Variants in UNC13C observed in about 807,000 individuals in gnomAD.
UNC13C encodes protein unc-13 homolog C.
UNC13C carries 174 observed loss-of-function variants against 245.4 expected under a neutral mutation model. That is an observed-to-expected ratio of 0.71 (90% CI 0.63 to 0.80). UNC13C has a LOEUF of 0.80. UNC13C is among the 30% of genes least tolerant of loss of function. The probability of loss-of-function intolerance (pLI) is 0.00; values close to 1 mark genes in which losing one functional copy is unlikely to be tolerated. For synonymous variants in UNC13C, 992 were observed against 895.1 expected (o/e 1.11, Z -1.93); for missense variants, 2,829 against 2,602.9 (o/e 1.09, Z -1.89).
chr15:54,260,197 T>C (rs920873575), intron 8 of UNC13C, among the ~76,000 whole-genome samples: 7 of 152,156 alleles, frequency 4.6e-5, no homozygotes, highest in Non-Finnish European at 1.0e-4. Flanking sequence ...TCAATGGTGA[T>C]TGTTAAATAT....
intron 8 of UNC13C, among the ~76,000 whole-genome samples, chr15:54,254,054 T>A (rs2036219137): frequency 6.6e-6 from 1 of 152,264 alleles, no homozygotes; most frequent in Admixed American, 6.5e-5. Context: ...ACGTGCTTTC[T>A]ACTGACATTA....
chr15:54,628,892 C>T (rs1901371071), downstream of UNC13C: 1 of 152,068 alleles, frequency 6.6e-6, no homozygotes, highest in African/African-American at 2.4e-5. Context: ...CAAAGACCTA[C>T]AAACAGAATT....
chr15:53,974,636 G>T (rs1893640694), upstream of UNC13C, among the ~76,000 whole-genome samples: 1 of 152,110 alleles, frequency 6.6e-6, no homozygotes, highest in Admixed American at 6.5e-5. Flanking sequence ...TCTTGTGACA[G>T]AATTTGTTGA....
intron 17 of UNC13C, among the ~76,000 whole-genome samples, chr15:54,382,646 C>T (rs555308698): frequency 5.3e-5 from 8 of 151,402 alleles, no homozygotes; most frequent in African/African-American, 1.9e-4. Flanking sequence ...TTGTACACTT[C>T]AAGCAACTAG....
the UNC13C span, among the ~76,000 whole-genome samples, chr15:53,956,908 A>ATGTGTGTGTGTGTGTGTGTG: frequency 8.1e-5 from 2 of 24,668 alleles, no homozygotes; most frequent in African/African-American, 1.4e-4. Context: ...GTGTGTGTGC[A>ATGTGTGTGTGTGTGTGTGTG]TGCACACATC....
At chr15:53,956,875 A>AGTGTGTATGTGTGT in the UNC13C span, among the ~76,000 whole-genome samples, 1 of 139,700 alleles carries the variant, frequency 7.2e-6, no homozygotes, top group Admixed American at 7.2e-5. Flanking sequence ...GTTAAGCTCA[A>AGTGTGTATGTGTGT]GTGTGTGTGT....
chr15:54,609,951 T>C (rs1168398147), intron 30 of UNC13C, among the ~76,000 whole-genome samples: 1 of 152,118 alleles, frequency 6.6e-6, no homozygotes, highest in African/African-American at 2.4e-5. Flanking sequence ...GATCTCATGA[T>C]AACTCACTCA....
chr15:54,217,444 C>A (rs2035076049), intron 4 of UNC13C, among the ~76,000 whole-genome samples: 1 of 151,874 alleles, frequency 6.6e-6, no homozygotes, highest in African/African-American at 2.4e-5. Context: ...CTTTGTCGAC[C>A]TGCCCTTCTA....
chr15:54,599,537 C>T (rs1899288250), intron 30 of UNC13C, among the ~76,000 whole-genome samples: 1 of 151,988 alleles, frequency 6.6e-6, no homozygotes, highest in Non-Finnish European at 1.5e-5. Context: ...ATCCAAGTTT[C>T]CGAAAGTAAG....
At chr15:53,925,380 G>A in the UNC13C span, among the ~76,000 whole-genome samples, 368 of 152,020 alleles carry the variant, frequency 2.4e-3, no homozygotes, top group Non-Finnish European at 4.4e-3. Flanking sequence ...AACCCCAAAG[G>A]GTCTGTGTTT....
At chr15:54,610,244 C>CT (rs367760262) in intron 30 of UNC13C, among the ~76,000 whole-genome samples, 55 of 151,096 alleles carry the variant, frequency 3.6e-4, no homozygotes, top group Middle Eastern at 3.2e-3. Flanking sequence ...TTGTCTTTAG[C>CT]TTTTTTTTTG....
chr15:54,274,666 A>AGTTTTTT (rs1567151983), intron 10 of UNC13C, among the ~76,000 whole-genome samples: 3 of 78,272 alleles, frequency 3.8e-5, no homozygotes, highest in Admixed American at 1.3e-4. Flanking sequence ...AATAAAGTAG[A>AGTTTTTT]CTTTTTTTTT....
intron 4 of UNC13C, among the ~76,000 whole-genome samples, chr15:54,178,067 C>A: frequency 6.6e-6 from 1 of 152,028 alleles, no homozygotes; most frequent in Middle Eastern, 3.4e-3. Context: ...TTCCCTTTAA[C>A]TTCTATCATA....
chr15:54,462,340 C>T (rs8030561), intron 19 of UNC13C, among the ~76,000 whole-genome samples: 62,443 of 152,088 alleles, frequency 0.41, 13,123 homozygotes, highest in East Asian at 0.62. Flanking sequence ...TTCGCCTAAG[C>T]GTCCACTGTG....
chr15:53,955,266 TACACACACAC>T, the UNC13C span, among the ~76,000 whole-genome samples: 239 of 149,682 alleles, frequency 1.6e-3, 2 homozygotes, highest in Admixed American at 3.5e-3. Context: ...GACTTTTTCT[TACACACACAC>T]ACACACACAC....
At chr15:54,481,226 T>G (rs1303815889) in intron 19 of UNC13C, among the ~76,000 whole-genome samples, 1 of 152,120 alleles carries the variant, frequency 6.6e-6, no homozygotes, top group Non-Finnish European at 1.5e-5. Flanking sequence ...GGTCCTCAGG[T>G]GCCAGTGGTG....
chr15:54,015,448 G>T lies in UNC13C; in HGVS notation c.2545G>T (p.Asp849Tyr). Residue 849 changes from aspartate (D) to tyrosine (Y), a missense_variant, in exon 2 of 33, where the codon GAC (aspartate) becomes TAC (tyrosine). Coordinates refer to ENST00000260323, the MANE Select transcript of UNC13C (RefSeq NM_001080534.3). ...STANESSTTL[D>Y]SDVYTEPYYY... ...TGCAAATGAGTCAAGTACCACACTT[G>T]ACTCTGATGTCTACACGGAGCCCTA... is the stretch of plus-strand genomic sequence containing the variant. 2 of 1,613,608 alleles carry T rather than the reference G, an allele frequency of 1.2e-6. No individual in the cohort carries two copies. The highest frequency in any genetic ancestry group is 1.7e-6 in the Non-Finnish European group (2 of 1,179,830).
intron 22 of UNC13C, among the ~76,000 whole-genome samples, chr15:54,502,984 C>T (rs993666322): frequency 2.0e-5 from 3 of 151,976 alleles, no homozygotes; most frequent in African/African-American, 7.3e-5. Context: ...TGGGTATAAC[C>T]AAATGTACTG....
At chr15:53,917,296 G>A in the UNC13C span, among the ~76,000 whole-genome samples, 1 of 152,268 alleles carries the variant, frequency 6.6e-6, no homozygotes, top group Non-Finnish European at 1.5e-5. Context: ...ACCTGCATCA[G>A]GAGTAGCTAG....
Sources: allele counts gnomAD v4.1 joint callset (sites outside exome capture counted in the v4.1 genomes callset), GRCh38; gene constraint gnomAD v4.1.1; transcripts MANE v1.5; gene names NCBI Gene and HGNC (gene_info 2026-07-23, HGNC 2026-07-21).